Variants in RP1L1 observed in about 807,000 individuals in gnomAD.
The protein encoded by RP1L1 is RP1 like 1, also known as retinitis pigmentosa 1-like 1 protein.
A neutral mutation model predicts 15.7 loss-of-function variants in RP1L1; 27 were observed. The observed-to-expected ratio is 1.72, with a 90% CI of 1.27 to 2.38. The LOEUF (loss-of-function observed/expected upper bound fraction) is 2.38, where lower values mean the gene tolerates loss of function less well. Ranked by LOEUF, RP1L1 falls within the 30% of genes most tolerant of loss-of-function variation. RP1L1 has a pLI of 0.00. For synonymous variants in RP1L1, 1,813 were observed against 1,276.7 expected, an observed-to-expected ratio of 1.42 and a Z score of -8.96; for missense variants, 4,798 against 3,075.9, an observed-to-expected ratio of 1.56 and a Z score of -13.24.
chr8:10,609,318 C>T lies in RP1L1; in HGVS notation c.4780G>A (p.Ala1594Thr), dbSNP rs772001145. 1.7e-5 allele frequency: 27 copies of T among 1,611,594 alleles called. No individual in the cohort carries two copies. In the Admixed American group the frequency reaches 4.5e-4, roughly 27 times the overall value. ...GRMVLEPPREALTGELLLQTQ... is the reference protein window; with the variant it reads ...GRMVLEPPRETLTGELLLQTQ... ...TGCAGGAGCAGCTCCCCGGTGAGGG[C>T]CTCCCTTGGAGGCTCCAGCACCATC... The change falls in exon 4 of 4, where the codon GCC (alanine) becomes ACC (threonine). Residue 1594 changes from alanine (A) to threonine (T), a missense_variant. Coordinates refer to ENST00000382483, the MANE Select transcript of RP1L1 (RefSeq NM_178857.6).
At position 10,608,308 on chromosome 8, in the gene RP1L1, C is replaced by T. The variant is rs746006744; in HGVS notation, c.5790G>A (p.Glu1930=). The T allele has an allele frequency of 2.5e-6, 4 of 1,613,236 alleles. No homozygotes were observed. In the South Asian group the frequency reaches 3.3e-5, roughly 13 times the overall value. The change falls in exon 4 of 4, where the codon GAG becomes GAA. Residue 1930 remains glutamate (E), a synonymous_variant. Coordinates refer to ENST00000382483, the MANE Select transcript of RP1L1 (RefSeq NM_178857.6). ...CTGCACCTTCTGACTCTGGCTCGTC[C>T]TCCCCTTCAGTCTCCAGGGCCTCTA... ...ESVEALETEG[E]DEPESEGAEA... is the part of the protein sequence containing the mutation.
chr8:10,607,478 G>A lies in RP1L1; in HGVS notation c.6620C>T (p.Pro2207Leu). 1 of 1,610,776 alleles carries A rather than the reference G, an allele frequency of 6.2e-7. No homozygotes were observed. The change falls in exon 4 of 4, where the codon CCA becomes CTA. Residue 2207 changes from proline (P) to leucine (L), a missense_variant. Coordinates refer to ENST00000382483, the MANE Select transcript of RP1L1 (RefSeq NM_178857.6). ...EAPEAEGEAQ[P>L]ELEGVEAPEA... ...CGGGGCCTCTACACCTTCTAACTCT[G>A]GTTGGGCCTCCCCTTCTGCCTCTGG...
chr8:10,631,175 T>C (rs1798235293), intron 1 of RP1L1, among the ~76,000 whole-genome samples: 1 of 151,822 alleles, frequency 6.6e-6, no homozygotes, highest in Non-Finnish European at 1.5e-5. Context: ...CAGGCGAGAA[T>C]GTTGTCATGG....
Position 10,607,638 on chromosome 8 carries a change from C to A in RP1L1, c.6460G>T (p.Glu2154Ter). 6.3e-7 allele frequency: 1 copy of A among 1,596,214 alleles called. No homozygotes were observed. Among genetic ancestry groups the A allele is most frequent in the South Asian group, 1.1e-5 (1 of 89,618 alleles). The stretch of plus-strand genomic sequence containing the variant: ...TCTGACTCTGGCTGGGCCTCCCCTT[C>A]TGCATCCTGGGCCTCTACACCTTCT... ...ESEGVEAQDA[E>*]GEAQPESEGI... Residue 2154 changes from glutamate to a stop codon, truncating the protein, a stop_gained, in exon 4 of 4, where the codon GAA becomes TAA. Transcript: ENST00000382483. LOFTEE classifies it low-confidence loss of function (END_TRUNC).
chr8:10,609,683 T>C lies in RP1L1; in HGVS notation c.4415A>G (p.Gln1472Arg). The change falls in exon 4 of 4, where the codon CAG (glutamine) becomes CGG (arginine). Residue 1472 changes from glutamine to arginine, a missense_variant. Transcript: ENST00000382483. ...PSASERQSGSQLEPGLEKPPG... is the reference protein window; with the variant it reads ...PSASERQSGSRLEPGLEKPPG... Reference sequence around the variant, plus strand: ...CGGCTTTTCCAAACCAGGCTCAAGCTGGGAGCCACTCTGCCTCTCGCTGGC... The same window carrying C: ...CGGCTTTTCCAAACCAGGCTCAAGCCGGGAGCCACTCTGCCTCTCGCTGGC... 6.2e-7 allele frequency: 1 copy of C among 1,612,768 alleles called. No individual in the cohort carries two copies. Among genetic ancestry groups the C allele is most frequent in the South Asian group, 1.1e-5 (1 of 91,062 alleles).
intron 1 of RP1L1, among the ~76,000 whole-genome samples, chr8:10,643,332 C>A (rs1798433350): frequency 6.6e-6 from 1 of 151,998 alleles, no homozygotes; most frequent in Non-Finnish European, 1.5e-5. Context: ...AGAGTGAGAC[C>A]TTGCCTAGAA....
chr8:10,621,891 A>G, intron 2 of RP1L1: 1 of 417,518 alleles, frequency 2.4e-6, no homozygotes, highest in Non-Finnish European at 4.9e-6. Flanking sequence ...CCAGCTTCCA[A>G]TTCACTCTCT....
intron 1 of RP1L1, among the ~76,000 whole-genome samples, chr8:10,654,124 C>G (rs906912628): frequency 6.6e-6 from 1 of 152,154 alleles, no homozygotes; most frequent in Non-Finnish European, 1.5e-5. Flanking sequence ...TGCTCACTTG[C>G]CGTTGGAACC....
chr8:10,625,038 G>GCATTCCTA (rs1798134806), intron 1 of RP1L1, among the ~76,000 whole-genome samples: 1 of 152,202 alleles, frequency 6.6e-6, no homozygotes, highest in African/African-American at 2.4e-5. Context: ...GACAATCACT[G>GCATTCCTA]CATTCCTACA....
rs780853451 is a variant in RP1L1 at position 10,607,532 on chromosome 8, G to C, written c.6566C>G (p.Ala2189Gly). 4.4e-6 allele frequency: 7 copies of C among 1,606,292 alleles called. No homozygotes were observed. In the African/African-American group the frequency reaches 8.1e-5, roughly 19 times the overall value. Residue 2189 changes from alanine (A) to glycine (G), a missense_variant, in exon 4 of 4, where the codon GCC becomes GGC. Physicochemically the swap from Ala to Gly is moderately conservative, Grantham distance 60. Transcript: ENST00000382483. ...CTCTATACCTTCTGACTCTGGCTGGGCCTCCCCTTCTGCCTCTGGGGCCTC... is the reference window on the plus strand; with the variant it reads ...CTCTATACCTTCTGACTCTGGCTGGCCCTCCCCTTCTGCCTCTGGGGCCTC... ...GVEAPEAEGE[A>G]QPESEGIEAP...
At chr8:10,628,859 C>T (rs1031691259) in intron 1 of RP1L1, among the ~76,000 whole-genome samples, 1 of 152,186 alleles carries the variant, frequency 6.6e-6, no homozygotes, top group African/African-American at 2.4e-5. Flanking sequence ...GTCCATCCCC[C>T]ACAAACACAC....
chr8:10,627,309 G>T (rs1051227408), intron 1 of RP1L1, among the ~76,000 whole-genome samples: 2 of 152,128 alleles, frequency 1.3e-5, no homozygotes, highest in Non-Finnish European at 2.9e-5. Flanking sequence ...ACCTTAAAAA[G>T]GTAGGAAAAT....
chr8:10,645,114 G>A (rs191812796), intron 1 of RP1L1, among the ~76,000 whole-genome samples: 8 of 152,196 alleles, frequency 5.3e-5, no homozygotes, highest in Admixed American at 4.6e-4. Flanking sequence ...GTCACTTAAG[G>A]CCAGGAGTTC....
intron 1 of RP1L1, among the ~76,000 whole-genome samples, chr8:10,626,120 T>A (rs1798153501): frequency 6.6e-6 from 1 of 152,020 alleles, no homozygotes; most frequent in Admixed American, 6.5e-5. Context: ...AGGGCGGACC[T>A]GCAGGGAGGA....
chr8:10,609,232 C>T lies in RP1L1; in HGVS notation c.4866G>A (p.Arg1622=). 23 of 1,609,458 alleles carry T rather than the reference C, an allele frequency of 1.4e-5. No individual in the cohort carries two copies. The highest frequency in any genetic ancestry group is 1.9e-5 in the Non-Finnish European group (23 of 1,179,834). ...GLRNLSAFSE[R]TLGLGPLSFT... ...AGGAGAGGGGCCCCAGGCCCAGGGTCCGCTCAGAGAAGGCCGAGAGGTTTC... is the reference window on the plus strand; with the variant it reads ...AGGAGAGGGGCCCCAGGCCCAGGGTTCGCTCAGAGAAGGCCGAGAGGTTTC... Residue 1622 remains arginine (R), a synonymous_variant, in exon 4 of 4, where the codon CGG becomes CGA. Coordinates refer to ENST00000382483, the MANE Select transcript of RP1L1 (RefSeq NM_178857.6).
At position 10,612,422 on chromosome 8, in the gene RP1L1, G is replaced by A. The variant is rs759633864; in HGVS notation, c.1676C>T (p.Ala559Val). Residue 559 changes from alanine (A) to valine (V), a missense_variant, in exon 4 of 4, where the codon GCA becomes GTA. Ala to Val is a moderately conservative substitution (Grantham distance 64, BLOSUM62 0). Coordinates refer to ENST00000382483, the MANE Select transcript of RP1L1 (RefSeq NM_178857.6). ...CTCCTGCTGAGAGGTCTCGGCCCTT[G>A]CCTTGCCTGGACAGCCCTGGGGCCG... is the stretch of plus-strand genomic sequence containing the variant. ...GGRPQGCPGKARAETSQQEAS... is the reference protein window; with the variant it reads ...GGRPQGCPGKVRAETSQQEAS... 6.2e-7 allele frequency: 1 copy of A among 1,612,638 alleles called. No homozygotes were observed. Among genetic ancestry groups the A allele is most frequent in the Admixed American group, 1.7e-5 (1 of 60,032 alleles).
In RP1L1 at chr8:10,616,342, G is replaced by A. The variant is rs1797964378; in HGVS notation, c.751+104C>T. On this transcript the variant is annotated intron_variant, in intron 3 of 3. Coordinates refer to ENST00000382483, the MANE Select transcript of RP1L1 (RefSeq NM_178857.6). ...AATGACTGGGATACCCAAGATCTGG[G>A]GCCAAAGGGAAGTTTCCTGAATTAC... is the stretch of plus-strand genomic sequence containing the variant. 2.1e-6 allele frequency: 3 copies of A among 1,458,234 alleles called. No individual in the cohort carries two copies. The African/African-American group carries it at 4.2e-5, about 20-fold the overall frequency. 90.3% of individuals were successfully genotyped at this position (1,458,234 alleles called of 1,614,324 possible).
chr8:10,616,750 A>G (rs1585974201), intron 2 of RP1L1, among the ~76,000 whole-genome samples, 163 bp from the exon 3 acceptor site: 1 of 151,444 alleles, frequency 6.6e-6, no homozygotes, highest in Non-Finnish European at 1.5e-5. Flanking sequence ...TCCCCATAAC[A>G]CCTCTATCAC....
chr8:10,654,462 C>T (rs1347130448), intron 1 of RP1L1, among the ~76,000 whole-genome samples: 1 of 152,078 alleles, frequency 6.6e-6, no homozygotes, highest in Non-Finnish European at 1.5e-5. Context: ...GACACCTCCC[C>T]AGAATCTGCT....
Sources: allele counts gnomAD v4.1 joint callset (sites outside exome capture counted in the v4.1 genomes callset), GRCh38; gene constraint gnomAD v4.1.1; transcripts MANE v1.5; gene names NCBI Gene and HGNC (gene_info 2026-07-23, HGNC 2026-07-21).